The following SLC35F4 variants were observed in gnomAD, a reference collection of about 807,000 sequenced individuals.
SLC35F4 encodes the protein chromosome 14 open reading frame 36.
SLC35F4 carries 24 observed loss-of-function variants against 44.2 expected under a neutral mutation model. The ratio of observed to expected loss-of-function variants is 0.54; its 90% CI spans 0.39 to 0.76. The LOEUF (loss-of-function observed/expected upper bound fraction) is 0.76. Among genes scored for constraint, SLC35F4 ranks in the 30% least tolerant of loss-of-function variants. The pLI is 0.00. For synonymous variants in SLC35F4, 238 were observed against 223.6 expected (o/e 1.06, Z -0.57); for missense variants, 562 against 586.1 (o/e 0.96, Z 0.42).
intron 1 of SLC35F4, among the ~76,000 whole-genome samples, chr14:57,680,140 C>G (rs565856292): frequency 6.6e-6 from 1 of 152,086 alleles, no homozygotes; most frequent in Non-Finnish European, 1.5e-5. Flanking sequence ...TACTGGCAAA[C>G]CGAATCCAGC....
intron 1 of SLC35F4, among the ~76,000 whole-genome samples, chr14:57,950,472 C>T (rs1890114933): frequency 6.6e-6 from 1 of 151,790 alleles, no homozygotes; most frequent in African/African-American, 2.4e-5. Context: ...TTCTACCTTT[C>T]TCTGGTATCT....
At chr14:57,907,530 A>G (rs1452557668) in intron 1 of SLC35F4, among the ~76,000 whole-genome samples, 2 of 152,202 alleles carry the variant, frequency 1.3e-5, no homozygotes, top group Admixed American at 6.5e-5. Flanking sequence ...TGTGAATTAA[A>G]TTCCAAAAAC....
At chr14:57,813,636 A>G (rs1882231110) in intron 1 of SLC35F4, among the ~76,000 whole-genome samples, 1 of 152,182 alleles carries the variant, frequency 6.6e-6, no homozygotes, top group African/African-American at 2.4e-5. Context: ...TTTATAAGAT[A>G]TGGGGTTTTA....
downstream of SLC35F4, among the ~76,000 whole-genome samples, chr14:57,974,120 G>C (rs771233633): frequency 1.8e-4 from 27 of 152,166 alleles, no homozygotes; most frequent in African/African-American, 6.5e-4. Context: ...GAGGTCACTT[G>C]GTGGTAGTCA....
intron 1 of SLC35F4, among the ~76,000 whole-genome samples, chr14:57,768,021 T>C (rs2077274547): frequency 6.6e-6 from 1 of 152,214 alleles, no homozygotes; most frequent in African/African-American, 2.4e-5. Flanking sequence ...TAAAAGTTCT[T>C]GGAAAAGAAA....
chr14:57,917,371 A>AT (rs550307375), intron 1 of SLC35F4, among the ~76,000 whole-genome samples: 2 of 151,720 alleles, frequency 1.3e-5, no homozygotes, highest in East Asian at 1.9e-4. Context: ...CTCTGCTTAC[A>AT]TTTTTTTTAT....
intron 1 of SLC35F4, among the ~76,000 whole-genome samples, chr14:57,933,746 A>G (rs1449324774): frequency 6.6e-6 from 1 of 152,210 alleles, no homozygotes; most frequent in African/African-American, 2.4e-5. Context: ...ACCTTAAGGG[A>G]TTTGAGGCAT....
chr14:57,780,857 A>C (rs1231690362), intron 1 of SLC35F4, among the ~76,000 whole-genome samples: 3 of 151,602 alleles, frequency 2.0e-5, no homozygotes, highest in Non-Finnish European at 3.0e-5. Context: ...AAAACAAGCA[A>C]GGCCATATGC....
At chr14:57,751,837 C>G (rs1028750935) in intron 1 of SLC35F4, among the ~76,000 whole-genome samples, 2 of 152,126 alleles carry the variant, frequency 1.3e-5, no homozygotes, top group Admixed American at 1.3e-4. Context: ...ATTTGGCCTT[C>G]ACTAAATTTT....
intron 1 of SLC35F4, among the ~76,000 whole-genome samples, chr14:57,933,440 T>A (rs1889736765): frequency 6.6e-6 from 1 of 152,192 alleles, no homozygotes; most frequent in Admixed American, 6.5e-5. Context: ...ATGTGATGAC[T>A]AAAGCAAAGA....
At chr14:57,680,169 T>C (rs1225862987) in intron 1 of SLC35F4, among the ~76,000 whole-genome samples, 1 of 152,082 alleles carries the variant, frequency 6.6e-6, no homozygotes, top group African/African-American at 2.4e-5. Context: ...AAAAAGCTTA[T>C]CCACCACGAT....
chr14:57,791,111 A>G (rs1421699430), intron 1 of SLC35F4, among the ~76,000 whole-genome samples: 1 of 152,240 alleles, frequency 6.6e-6, no homozygotes, highest in Non-Finnish European at 1.5e-5. Context: ...AAGCAATGGC[A>G]ACAAAAGCCA....
At chr14:57,577,056 A>T (rs1170696794) in intron 4 of SLC35F4, among the ~76,000 whole-genome samples, 1 of 152,200 alleles carries the variant, frequency 6.6e-6, no homozygotes, top group Non-Finnish European at 1.5e-5. Flanking sequence ...TCCAGGAAGC[A>T]TGGAAGCTCT....
At chr14:57,761,376 A>G (rs972340813) in intron 1 of SLC35F4, among the ~76,000 whole-genome samples, 2 of 152,176 alleles carry the variant, frequency 1.3e-5, no homozygotes, top group Admixed American at 6.6e-5. Flanking sequence ...TAAAAATCCT[A>G]CAACTAGGTG....
chr14:57,619,868 A>T (rs1242946138), intron 1 of SLC35F4, among the ~76,000 whole-genome samples: 2 of 152,128 alleles, frequency 1.3e-5, no homozygotes, highest in African/African-American at 4.8e-5. Context: ...GAAGCTGAAA[A>T]ACACAGCACG....
intron 4 of SLC35F4, among the ~76,000 whole-genome samples, chr14:57,575,616 G>T (rs1477175980): frequency 6.6e-6 from 1 of 152,230 alleles, no homozygotes; most frequent in Non-Finnish European, 1.5e-5. Context: ...AAACCTCTCT[G>T]CCCTCACACA....
chr14:57,849,414 G>A (rs957809817), intron 1 of SLC35F4, among the ~76,000 whole-genome samples: 12 of 151,970 alleles, frequency 7.9e-5, no homozygotes, highest in African/African-American at 1.2e-4. Flanking sequence ...CACCTGCCTC[G>A]GCCTCCCAAA....
At chr14:57,790,218 T>C (rs998222611) in intron 1 of SLC35F4, among the ~76,000 whole-genome samples, 1 of 152,206 alleles carries the variant, frequency 6.6e-6, no homozygotes. Flanking sequence ...TGTTTGCAGA[T>C]GACATGATAG....
intron 1 of SLC35F4, among the ~76,000 whole-genome samples, chr14:57,951,172 G>A (rs755267750): frequency 8.5e-5 from 13 of 152,262 alleles, no homozygotes; most frequent in Admixed American, 2.0e-4. Flanking sequence ...GCAGAGTGGG[G>A]CAAGCAAGAG....
Sources: gnomAD v4.1 joint callset for allele counts (sites outside exome capture counted in the v4.1 genomes callset) on GRCh38, gnomAD v4.1.1 for gene constraint, MANE v1.5 for transcripts, NCBI Gene and HGNC (gene_info 2026-07-23, HGNC 2026-07-21) for gene names.